The following PCDHA3 variants were observed in gnomAD, a reference collection of about 807,000 sequenced individuals.
The protein encoded by PCDHA3 is protocadherin alpha-3.
In PCDHA3, 41 loss-of-function variants were observed where a neutral mutation model predicts 62.2. That is an observed-to-expected ratio of 0.66 (90% CI 0.51 to 0.86). The LOEUF (loss-of-function observed/expected upper bound fraction) is 0.86, where lower values mean the gene tolerates loss of function less well. Ranked by LOEUF, PCDHA3 falls within the 40% of genes least tolerant of loss-of-function variation. The pLI is 0.00. For missense variants in PCDHA3, 1,304 were observed against 1,241.2 expected, an observed-to-expected ratio of 1.05 and a Z score of -0.76; for synonymous variants, 640 against 555.4, an observed-to-expected ratio of 1.15 and a Z score of -2.14.
At position 140,915,626 on chromosome 5, in the gene PCDHA3, G is replaced by GTCTCTCTCTCTC. The variant is rs57920489; in HGVS notation, c.2395-63304_2395-63293dup. 2.6e-4 allele frequency among the ~76,000 whole-genome samples: 38 copies of GTCTCTCTCTCTC among 146,532 alleles called. No individual in the cohort carries two copies. In the Middle Eastern group the frequency reaches 0.011, roughly 41 times the overall value. Reference sequence around the variant, plus strand: ...ACTTTCTGTCAAACAGTCTCTTTCTGTCTCTCTCTCTCTCTCTCTCTCTCT... The same window carrying GTCTCTCTCTCTC: ...ACTTTCTGTCAAACAGTCTCTTTCTGTCTCTCTCTCTCTCTCTCTCTCTCTCTCTCTCTCTCT... On this transcript the variant is annotated intron_variant, in intron 1 of 3. Coordinates refer to ENST00000522353, the MANE Select transcript of PCDHA3 (RefSeq NM_018906.3).
chr5:140,824,647 TA>T (rs1316143665), intron 1 of PCDHA3: 2 of 129,788 alleles, frequency 1.5e-5, no homozygotes, highest in East Asian at 4.6e-4. Context: ...TCTGTAGAGA[TA>T]GGGGTCTTGC....
intron 3 of PCDHA3, among the ~76,000 whole-genome samples, chr5:140,990,473 C>G (rs1268910696): frequency 6.6e-6 from 1 of 152,186 alleles, no homozygotes; most frequent in Non-Finnish European, 1.5e-5. Flanking sequence ...TATCATGTAT[C>G]AAGCTGAATA....
intron 1 of PCDHA3, among the ~76,000 whole-genome samples, chr5:140,819,759 C>T (rs1766617178): frequency 6.6e-6 from 1 of 152,080 alleles, no homozygotes; most frequent in East Asian, 1.9e-4. Context: ...AGTCTTGTTT[C>T]CTCCTGAAAT....
chr5:140,819,029 A>G (rs1307031526), intron 1 of PCDHA3, among the ~76,000 whole-genome samples: 1 of 152,214 alleles, frequency 6.6e-6, no homozygotes, highest in Non-Finnish European at 1.5e-5. Flanking sequence ...ATTTTAGCAC[A>G]TTCCCTTATA....
At chr5:140,849,896 C>A in intron 1 of PCDHA3, 1 of 1,598,590 alleles carries the variant, frequency 6.3e-7, no homozygotes, top group Non-Finnish European at 8.6e-7. Flanking sequence ...TGAAGGAGAA[C>A]AACCCGCCGG....
chr5:140,955,297 T>C (rs2153705828), intron 1 of PCDHA3, among the ~76,000 whole-genome samples: 1 of 152,262 alleles, frequency 6.6e-6, no homozygotes, highest in East Asian at 1.9e-4. Context: ...TTTGGCTGTG[T>C]CCCCACCCAA....
chr5:140,919,981 T>TA (rs869118855), intron 1 of PCDHA3, among the ~76,000 whole-genome samples: 2 of 133,388 alleles, frequency 1.5e-5, no homozygotes, highest in Admixed American at 7.6e-5. Flanking sequence ...AGATAGAAGA[T>TA]GGAAAACAGA....
intron 1 of PCDHA3, chr5:140,841,804 T>C (rs2150322982): frequency 1.2e-6 from 2 of 1,613,912 alleles, no homozygotes; most frequent in Non-Finnish European, 1.7e-6. Context: ...CCGATGCAGA[T>C]GTTGGAGCTA....
At chr5:140,830,280 G>C (rs2150184170) in intron 1 of PCDHA3, 5 of 1,613,766 alleles carry the variant, frequency 3.1e-6, no homozygotes, top group Admixed American at 1.7e-5. Flanking sequence ...CCCACCGAGG[G>C]CGCGTGCACG....
chr5:140,875,744 A>G, intron 1 of PCDHA3: 2 of 1,614,206 alleles, frequency 1.2e-6, no homozygotes, highest in Non-Finnish European at 1.7e-6. Flanking sequence ...TCTCGGATCG[A>G]CCGCGAGAAG....
At chr5:140,834,321 A>G in intron 1 of PCDHA3, 1 of 1,440,210 alleles carries the variant, frequency 6.9e-7, no homozygotes, top group African/African-American at 1.4e-5. Context: ...TGAAGGGATA[A>G]AAACATTCCT....
chr5:140,869,945 T>C lies in PCDHA3; in HGVS notation c.2394+66354T>C, dbSNP rs528075021. On this transcript the variant is annotated intron_variant, in intron 1 of 3. Transcript: ENST00000522353. ...GTCAATGGAGAGGTAACATACTCCTTAATGTCAATTAAGCCCAATGGAAGA... is the reference window on the plus strand; with the variant it reads ...GTCAATGGAGAGGTAACATACTCCTCAATGTCAATTAAGCCCAATGGAAGA... 8 of 1,612,376 alleles carry C rather than the reference T, an allele frequency of 5.0e-6. No individual in the cohort carries two copies. The African/African-American group carries it at 8.0e-5, about 16-fold the overall frequency.
At chr5:140,912,679 T>C (rs367681467) in intron 1 of PCDHA3, among the ~76,000 whole-genome samples, 6 of 152,216 alleles carry the variant, frequency 3.9e-5, no homozygotes, top group African/African-American at 1.4e-4. Context: ...CCTTGACTTA[T>C]TCCAGGTCTC....
intron 1 of PCDHA3, chr5:140,877,544 C>A (rs782624202): frequency 6.2e-7 from 1 of 1,613,676 alleles, no homozygotes; most frequent in African/African-American, 1.3e-5. Context: ...GATCCCGAAG[C>A]GGCTCTGGTG....
intron 1 of PCDHA3, chr5:140,869,184 G>C: frequency 6.2e-7 from 1 of 1,613,954 alleles, no homozygotes; most frequent in Non-Finnish European, 8.5e-7. Context: ...GGGAGGTGGG[G>C]AGCGGCCAGC....
intron 1 of PCDHA3, chr5:140,814,266 G>A (rs1765473432): frequency 6.6e-6 from 1 of 151,020 alleles, no homozygotes; most frequent in African/African-American, 2.4e-5. Context: ...ACCCATACTA[G>A]CCTAGGACTG....
rs782376383 is a variant in PCDHA3 at position 140,803,490 on chromosome 5, C to T, written c.2293C>T (p.Pro765Ser). The T allele has an allele frequency of 1.9e-6, 3 of 1,614,230 alleles. No individual in the cohort carries two copies. The highest frequency in any genetic ancestry group is 1.7e-5 in the Admixed American group (1 of 60,032). ...GAGGGTGTGCTCTGGAGAGGGGTTG[C>T]CCAAGACCGACCTCATGGCTTTTAG... ...QQRVCSGEGLPKTDLMAFSPS... is the reference protein window; with the variant it reads ...QQRVCSGEGLSKTDLMAFSPS... The change falls in exon 1 of 4, where the codon CCC (proline) becomes TCC (serine). Residue 765 changes from proline (P) to serine (S), a missense_variant. Pro to Ser is a moderately conservative substitution (Grantham distance 74). Transcript: ENST00000522353.
rs149656802 is a variant in PCDHA3, at chr5:141,008,452, C to T, written c.2543-1175C>T. ...TTTGCCCAGACAGACCATTACCCTTCCTCTCCAGCTCTGACTTCTACTCTT... is the reference window on the plus strand; with the variant it reads ...TTTGCCCAGACAGACCATTACCCTTTCTCTCCAGCTCTGACTTCTACTCTT... On this transcript the variant is annotated intron_variant, in intron 3 of 3. Coordinates refer to ENST00000522353, the MANE Select transcript of PCDHA3 (RefSeq NM_018906.3). Among the ~76,000 whole-genome samples, 286 of 152,284 alleles carry T rather than the reference C, an allele frequency of 1.9e-3. 2 individuals carry two copies. Among genetic ancestry groups the T allele is most frequent in the African/African-American group, 6.5e-3 (272 of 41,548 alleles).
intron 1 of PCDHA3, 200 bp downstream of exon 1, chr5:140,803,791 TC>T: frequency 1.2e-6 from 1 of 827,544 alleles, no homozygotes; most frequent in Non-Finnish European, 1.8e-6. Flanking sequence ...AGTTATGATA[TC>T]CACACTTGTA....
Sources: allele counts gnomAD v4.1 joint callset (sites outside exome capture counted in the v4.1 genomes callset), GRCh38; gene constraint gnomAD v4.1.1; transcripts MANE v1.5; gene names NCBI Gene and HGNC (gene_info 2026-07-23, HGNC 2026-07-21).